CACNA1A: variants seen among roughly 807,000 people sequenced by gnomAD.
CACNA1A encodes calcium voltage-gated channel subunit alpha1 A.
A neutral mutation model predicts 262.4 loss-of-function variants in CACNA1A; 57 were observed. The observed-to-expected ratio is 0.22, with a 90% CI of 0.18 to 0.27. The LOEUF is 0.27. Ranked by LOEUF, CACNA1A falls within the 10% of genes least tolerant of loss-of-function variation. CACNA1A has a pLI of 1.00. For missense variants in CACNA1A, 2,526 were observed against 3,562.8 expected (o/e 0.71, Z 7.41); for synonymous variants, 1,431 against 1,419.3 (o/e 1.01, Z -0.18).
intron 3 of CACNA1A, chr19:13,450,660 T>C (rs774213634): frequency 3.3e-5 from 5 of 152,226 alleles, no homozygotes; most frequent in Non-Finnish European, 5.9e-5. Context: ...ATTGAATAAA[T>C]GAATGTATAC....
At chr19:13,245,315 C>T (rs774948535) in intron 30 of CACNA1A, 50 bp from the exon 31 acceptor site, 205 of 1,501,812 alleles carry the variant, frequency 1.4e-4, no homozygotes, top group Non-Finnish European at 1.2e-4. Context: ...GCTTGGTTCC[C>T]GGCCCCCTAG....
chr19:13,235,160 G>A, intron 33 of CACNA1A, 49 bp downstream of exon 33: 1 of 1,589,842 alleles, frequency 6.3e-7, no homozygotes, highest in Non-Finnish European at 8.6e-7. Context: ...TTCTAAGGGT[G>A]GCTGCCCTCC....
intron 1 of CACNA1A, among the ~76,000 whole-genome samples, chr19:13,465,054 G>A (rs1004879631): frequency 3.3e-5 from 5 of 151,784 alleles, no homozygotes; most frequent in Non-Finnish European, 4.4e-5. Context: ...TCAGCCTCCC[G>A]AGTAGCTGGG....
At position 13,391,857 on chromosome 19, in the gene CACNA1A, T is replaced by C. The variant is rs11671441; in HGVS notation, c.540-20078A>G. ...TTCAAGACCAGCCTGGGCAACATGG[T>C]GAAACCTGGTCTCTACAAGAAGTAC... is the stretch of plus-strand genomic sequence containing the variant. On this transcript the variant is annotated intron_variant, in intron 3 of 46. Coordinates refer to ENST00000360228, the MANE Select transcript of CACNA1A (RefSeq NM_001127222.2). Among the ~76,000 whole-genome samples, 8 of 151,254 alleles carry C rather than the reference T, an allele frequency of 5.3e-5. No homozygotes were observed. The East Asian group carries it at 1.6e-3, about 29-fold the overall frequency.
chr19:13,228,171 G>A (rs1328965774), intron 36 of CACNA1A, among the ~76,000 whole-genome samples: 1 of 152,050 alleles, frequency 6.6e-6, no homozygotes, highest in African/African-American at 2.4e-5. Flanking sequence ...GCCTCCCAAA[G>A]TGCTGGGATT....
intron 1 of CACNA1A, among the ~76,000 whole-genome samples, chr19:13,455,927 A>ATCAC (rs1403586779): frequency 6.6e-6 from 1 of 151,172 alleles, no homozygotes. Context: ...CGGTGGGTGG[A>ATCAC]TCACTTGCGG....
At chr19:13,320,761 T>C (rs547462807) in intron 10 of CACNA1A, among the ~76,000 whole-genome samples, 2 of 152,302 alleles carry the variant, frequency 1.3e-5, no homozygotes, top group African/African-American at 4.8e-5. Flanking sequence ...TTCTCTGTGG[T>C]CTGGAATTAT....
chr19:13,455,143 C>A lies in CACNA1A; in HGVS notation c.363G>T (p.Leu121=), dbSNP rs754622233. 1 of 1,612,338 alleles carries A rather than the reference C, an allele frequency of 6.2e-7. No individual in the cohort carries two copies. Among genetic ancestry groups the A allele is most frequent in the Non-Finnish European group, 8.5e-7 (1 of 1,178,506 alleles). ...NCIVLALEQH[L]PDDDKTPMSE... ...ACATCGGGGTCTTGTCATCATCAGG[C>A]AGATGCTGCTCCAGTGCGAGGACGA... The change falls in exon 2 of 47, where the codon CTG becomes CTT. Residue 121 remains leucine, a synonymous_variant. Coordinates refer to ENST00000360228, the MANE Select transcript of CACNA1A (RefSeq NM_001127222.2).
At chr19:13,238,054 G>GGGGGAGGAGACACATGAGGCAGGTA in intron 31 of CACNA1A, among the ~76,000 whole-genome samples, 1 of 152,172 alleles carries the variant, frequency 6.6e-6, no homozygotes, top group African/African-American at 2.4e-5. Context: ...GGAGCCAAGT[G>GGGGGAGGAGACACATGAGGCAGGTA]GGGGAGGAGA....
intron 6 of CACNA1A, among the ~76,000 whole-genome samples, chr19:13,349,027 A>AAGAGAG (rs1555771361): frequency 0.049 from 6,634 of 136,764 alleles, 402 homozygotes; most frequent in African/African-American, 0.098. Flanking sequence ...AAAAAAAAAA[A>AAGAGAG]AGAGAGACAA....
intron 22 of CACNA1A, among the ~76,000 whole-genome samples, 193 bp downstream of exon 22, chr19:13,283,074 T>C (rs2057327687): frequency 6.6e-6 from 1 of 152,180 alleles, no homozygotes; most frequent in Admixed American, 6.5e-5. Flanking sequence ...ACAGAGAAAC[T>C]GCCTCAAGGA....
intron 1 of CACNA1A, among the ~76,000 whole-genome samples, chr19:13,456,444 G>A (rs1228275326): frequency 1.3e-5 from 2 of 151,856 alleles, no homozygotes; most frequent in Non-Finnish European, 1.5e-5. Flanking sequence ...AGGCCAAGGC[G>A]GGTGGATCAT....
At chr19:13,456,510 A>C (rs1014104826) in intron 1 of CACNA1A, among the ~76,000 whole-genome samples, 3 of 151,788 alleles carry the variant, frequency 2.0e-5, no homozygotes, top group Non-Finnish European at 4.4e-5. Flanking sequence ...ATCTCTACTA[A>C]AAAAATACAA....
chr19:13,441,038 C>T (rs2060709938), intron 3 of CACNA1A, among the ~76,000 whole-genome samples: 1 of 152,136 alleles, frequency 6.6e-6, no homozygotes, highest in Admixed American at 6.6e-5. Context: ...GCCTTGAACT[C>T]CCAAGTTTAA....
intron 3 of CACNA1A, among the ~76,000 whole-genome samples, chr19:13,438,183 G>A (rs1333224882): frequency 1.3e-5 from 2 of 152,212 alleles, no homozygotes; most frequent in Non-Finnish European, 2.9e-5. Context: ...GAGGGTCAGG[G>A]ATGGAAAGGA....
At position 13,332,035 on chromosome 19, in the gene CACNA1A, G is replaced by T. The variant is rs527502281; in HGVS notation, c.1255+834C>A. ...GGTTGGATACACAGTGACTCTTACA[G>T]TCTGTCCCCTGACTCCCAGCTATGC... is the stretch of plus-strand genomic sequence containing the variant. On this transcript the variant is annotated intron_variant, in intron 9 of 46. Transcript: ENST00000360228. 3.3e-5 allele frequency among the ~76,000 whole-genome samples: 5 copies of T among 152,330 alleles called. No homozygotes were observed. In the South Asian group the frequency reaches 1.0e-3, roughly 32 times the overall value.
chr19:13,428,501 A>G (rs73922401), intron 3 of CACNA1A, among the ~76,000 whole-genome samples: 36,704 of 152,100 alleles, frequency 0.24, 4,717 homozygotes, highest in East Asian at 0.39. Flanking sequence ...CCCAAATGTA[A>G]CAAAAACCAT....
chr19:13,344,334 A>G (rs932214342), intron 6 of CACNA1A, among the ~76,000 whole-genome samples: 1 of 152,194 alleles, frequency 6.6e-6, no homozygotes, highest in Admixed American at 6.5e-5. Context: ...GGTCAAGTTC[A>G]AGATCACAAT....
At position 13,255,288 on chromosome 19, in the gene CACNA1A, G is replaced by A. The variant is rs111620137; in HGVS notation, c.4591-29C>T. ...CGGGAGAGAGGCCAGTGGTGAGAGCGGCAGAGGCAGGAGGAAGGTGGCTGT... is the reference window on the plus strand; with the variant it reads ...CGGGAGAGAGGCCAGTGGTGAGAGCAGCAGAGGCAGGAGGAAGGTGGCTGT... On this transcript the variant is annotated intron_variant, in intron 28 of 46. Coordinates refer to ENST00000360228, the MANE Select transcript of CACNA1A (RefSeq NM_001127222.2). 5.0e-5 allele frequency: 78 copies of A among 1,551,954 alleles called. 1 individual carries two copies. The African/African-American group carries it at 6.2e-4, about 12-fold the overall frequency.
Sources: allele counts gnomAD v4.1 joint callset (sites outside exome capture counted in the v4.1 genomes callset), GRCh38; gene constraint gnomAD v4.1.1; transcripts MANE v1.5; gene names NCBI Gene and HGNC (gene_info 2026-07-23, HGNC 2026-07-21).